GLIPR1L1: variants seen among roughly 807,000 people sequenced by gnomAD.
The protein encoded by GLIPR1L1 is GLIPR1 like 1.
In GLIPR1L1, 26 loss-of-function variants were observed where a neutral mutation model predicts 29.9. That is an observed-to-expected ratio of 0.87 (90% CI 0.64 to 1.21). GLIPR1L1 has a LOEUF of 1.21. GLIPR1L1 is among the 50% of genes most tolerant of loss of function. The pLI, the probability that GLIPR1L1 is intolerant of heterozygous loss-of-function variation, is 0.00. For missense variants in GLIPR1L1, 305 were observed against 290.3 expected (o/e 1.05, Z -0.37); for synonymous variants, 77 against 97.5 (o/e 0.79, Z 1.24).
At chr12:75,367,102 A>G in intron 4 of GLIPR1L1, 2 of 691,106 alleles carry the variant, frequency 2.9e-6, no homozygotes, top group South Asian at 3.0e-5. Flanking sequence ...TTGGGGAGAA[A>G]ACGTAATGGA....
intron 3 of GLIPR1L1, among the ~76,000 whole-genome samples, chr12:75,356,352 T>A (rs1385029433): frequency 6.6e-6 from 1 of 152,148 alleles, no homozygotes; most frequent in Non-Finnish European, 1.5e-5. Context: ...ATATAAGATG[T>A]TTTCTTATTT....
At chr12:75,348,449 A>G (rs966973758) in intron 3 of GLIPR1L1, among the ~76,000 whole-genome samples, 1 of 152,246 alleles carries the variant, frequency 6.6e-6, no homozygotes. Flanking sequence ...AGCAAAAACA[A>G]GAATGAAAAA....
At chr12:75,361,742 C>A (rs527350215) in intron 3 of GLIPR1L1, among the ~76,000 whole-genome samples, 2 of 152,252 alleles carry the variant, frequency 1.3e-5, no homozygotes, top group African/African-American at 4.8e-5. Flanking sequence ...CAGTAGAACT[C>A]ACTCACTATC....
intron 1 of GLIPR1L1, among the ~76,000 whole-genome samples, chr12:75,335,449 C>T (rs1460492226): frequency 6.6e-6 from 1 of 152,062 alleles, no homozygotes; most frequent in Non-Finnish European, 1.5e-5. Flanking sequence ...ATTTTAAATA[C>T]TTGACTATGA....
Position 75,334,888 on chromosome 12 carries a change from G to A in GLIPR1L1, c.160G>A (p.Asp54Asn), listed in dbSNP as rs1002715252. 7.4e-6 allele frequency: 12 copies of A among 1,613,672 alleles called. No individual in the cohort carries two copies. The highest frequency in any genetic ancestry group is 1.6e-4 in the Middle Eastern group (1 of 6,070). Reference sequence around the variant, plus strand: ...TGGCAAAGTCAACCCTCCCGCGGCCGACATGAAATACATGGTGAGAAAGAA... The same window carrying A: ...TGGCAAAGTCAACCCTCCCGCGGCCAACATGAAATACATGGTGAGAAAGAA... ...WRGKVNPPAA[D>N]MKYMIWDKGL... Residue 54 changes from aspartate (D) to asparagine (N), a missense_variant, in exon 1 of 6, where the codon GAC becomes AAC. Physicochemically the swap from Asp to Asn is conservative, Grantham distance 23. Coordinates refer to ENST00000378695, the MANE Select transcript of GLIPR1L1 (RefSeq NM_001304964.2).
Position 75,344,048 on chromosome 12 carries a change from T to A in GLIPR1L1, c.420+110T>A. On this transcript the variant is annotated intron_variant, in intron 2 of 5. Transcript: ENST00000378695. Reference sequence around the variant, plus strand: ...TTTATTTTTCTGGCTGCCTTTACATTTTTTCCTTTATCATAGGTCTTGAGC... The same window carrying A: ...TTTATTTTTCTGGCTGCCTTTACATATTTTCCTTTATCATAGGTCTTGAGC... 4 of 883,404 alleles carry A rather than the reference T, an allele frequency of 4.5e-6. No homozygotes were observed. In the South Asian group the frequency reaches 7.3e-5, roughly 16 times the overall value. 54.7% of individuals were successfully genotyped at this position (883,404 alleles called of 1,614,324 possible).
intron 2 of GLIPR1L1, among the ~76,000 whole-genome samples, chr12:75,347,308 T>C (rs2042519346): frequency 6.6e-6 from 1 of 152,142 alleles, no homozygotes; most frequent in South Asian, 2.1e-4. Flanking sequence ...AGGGATAGAA[T>C]TAAAATGTAT....
intron 3 of GLIPR1L1, among the ~76,000 whole-genome samples, chr12:75,349,098 A>G (rs2042640776): frequency 6.6e-6 from 1 of 152,186 alleles, no homozygotes; most frequent in Admixed American, 6.5e-5. Context: ...GAAATCTGCA[A>G]ATAATATTCC....
intron 1 of GLIPR1L1, among the ~76,000 whole-genome samples, chr12:75,339,957 T>C (rs190192360): frequency 3.4e-4 from 52 of 152,258 alleles, no homozygotes; most frequent in Admixed American, 6.5e-4. Flanking sequence ...ATCATTCTTA[T>C]GTCCTCATAG....
At chr12:75,357,204 A>T (rs2043211392) in intron 3 of GLIPR1L1, among the ~76,000 whole-genome samples, 1 of 152,138 alleles carries the variant, frequency 6.6e-6, no homozygotes, top group Non-Finnish European at 1.5e-5. Context: ...TAAATAAATA[A>T]ATGCTGCACT....
intron 3 of GLIPR1L1, among the ~76,000 whole-genome samples, chr12:75,350,801 T>C (rs961814553): frequency 6.6e-6 from 1 of 152,160 alleles, no homozygotes; most frequent in African/African-American, 2.4e-5. Flanking sequence ...CTGCAAATGA[T>C]CACAACACAT....
intron 1 of GLIPR1L1, among the ~76,000 whole-genome samples, chr12:75,337,020 A>G (rs543818384): frequency 1.3e-5 from 2 of 151,980 alleles, no homozygotes; most frequent in African/African-American, 4.8e-5. Context: ...AAGTTAAAGA[A>G]TAAATAATAA....
At chr12:75,368,859 T>C (rs757376275) in intron 4 of GLIPR1L1, among the ~76,000 whole-genome samples, 1 of 151,316 alleles carries the variant, frequency 6.6e-6, no homozygotes, top group African/African-American at 2.4e-5. Flanking sequence ...ATTACTAATT[T>C]TTTTCATCAT....
intron 3 of GLIPR1L1, among the ~76,000 whole-genome samples, chr12:75,358,744 AAT>A (rs1247773693): frequency 1.4e-5 from 2 of 145,116 alleles, no homozygotes; most frequent in South Asian, 4.2e-4. Flanking sequence ...ATATGGTTTA[AAT>A]ATATATAATA....
chr12:75,335,438 A>G (rs530497052), intron 1 of GLIPR1L1, among the ~76,000 whole-genome samples: 1 of 152,326 alleles, frequency 6.6e-6, no homozygotes, highest in South Asian at 2.1e-4. Context: ...GAATTTACAA[A>G]ATTTTAAATA....
At chr12:75,349,493 A>G (rs2042666127) in intron 3 of GLIPR1L1, among the ~76,000 whole-genome samples, 1 of 152,240 alleles carries the variant, frequency 6.6e-6, no homozygotes, top group Non-Finnish European at 1.5e-5. Flanking sequence ...AAAATAAGAC[A>G]TAAGAAGAAG....
intron 5 of GLIPR1L1, 38 bp downstream of exon 5, chr12:75,370,024 T>C: frequency 1.6e-6 from 2 of 1,234,240 alleles, no homozygotes; most frequent in South Asian, 1.2e-5. Flanking sequence ...TTAAATTATT[T>C]CCTCCCGTTG....
intron 3 of GLIPR1L1, among the ~76,000 whole-genome samples, chr12:75,351,061 T>A (rs1186176600): frequency 6.6e-6 from 1 of 152,122 alleles, no homozygotes; most frequent in African/African-American, 2.4e-5. Flanking sequence ...ATCACAAGTA[T>A]CAATATCCAA....
chr12:75,362,336 A>G (rs1254696175), intron 3 of GLIPR1L1, among the ~76,000 whole-genome samples: 2 of 152,320 alleles, frequency 1.3e-5, no homozygotes, highest in Non-Finnish European at 2.9e-5. Flanking sequence ...TAGAATGGCT[A>G]GAGAGTGACC....
Sources: allele counts gnomAD v4.1 joint callset (sites outside exome capture counted in the v4.1 genomes callset), GRCh38; gene constraint gnomAD v4.1.1; transcripts MANE v1.5; gene names NCBI Gene and HGNC (gene_info 2026-07-23, HGNC 2026-07-21).